Variants in CSMD1 observed in about 807,000 individuals in gnomAD.
CSMD1 encodes CUB and sushi domain-containing protein 1.
In CSMD1, 213 loss-of-function variants were observed where a neutral mutation model predicts 417.5. The observed-to-expected ratio is 0.51, with a 90% CI of 0.46 to 0.57. CSMD1 has a LOEUF of 0.57. Among genes scored for constraint, CSMD1 ranks in the 20% least tolerant of loss-of-function variants. The pLI is 0.00. For synonymous variants in CSMD1, 2,862 were observed against 1,736.8 expected (o/e 1.65, Z -16.11); for missense variants, 6,923 against 4,529.7 (o/e 1.53, Z -15.17).
At chr8:4,084,036 A>T (rs1351349153) in intron 3 of CSMD1, among the ~76,000 whole-genome samples, 1 of 152,076 alleles carries the variant, frequency 6.6e-6, no homozygotes, top group African/African-American at 2.4e-5. Flanking sequence ...GGGCAAAAAA[A>T]CCCTTTTAAA....
In CSMD1 at chr8:3,353,511, T is replaced by C. The variant is rs144683806; in HGVS notation, c.3305-5350A>G. Among the ~76,000 whole-genome samples, 210 of 152,280 alleles carry C rather than the reference T, an allele frequency of 1.4e-3. 1 individual carries two copies. Among genetic ancestry groups the C allele is most frequent in the African/African-American group, 4.5e-3 (189 of 41,550 alleles). Reference sequence around the variant, plus strand: ...ACAACATGATATTCAAATGAAAGAATGGATGTGTCAAAGAAACTGCGAGAG... The same window carrying C: ...ACAACATGATATTCAAATGAAAGAACGGATGTGTCAAAGAAACTGCGAGAG... On this transcript the variant is annotated intron_variant, in intron 21 of 69. Transcript: ENST00000635120.
rs1278875244 is a variant in CSMD1 at position 4,795,747 on chromosome 8, C to G, written c.86-158189G>C. 2.6e-5 allele frequency among the ~76,000 whole-genome samples: 4 copies of G among 152,238 alleles called. No individual in the cohort carries two copies. The South Asian group carries it at 8.3e-4, about 32-fold the overall frequency. ...CTGACAGGTCCTCCAGGGCTCTTGT[C>G]AGTTACCTCCGTACCTGTGCACGCC... On this transcript the variant is annotated intron_variant, in intron 1 of 69. Transcript: ENST00000635120.
At chr8:3,915,303 G>C (rs569687459) in intron 5 of CSMD1, among the ~76,000 whole-genome samples, 28 of 149,756 alleles carry the variant, frequency 1.9e-4, no homozygotes, top group African/African-American at 6.9e-4. Flanking sequence ...CTATTCAGGA[G>C]TCTAAGGCAG....
intron 3 of CSMD1, among the ~76,000 whole-genome samples, chr8:4,114,298 T>C (rs889431009): frequency 5.9e-5 from 9 of 152,142 alleles, no homozygotes; most frequent in African/African-American, 2.2e-4. Context: ...GCTGTCTAAG[T>C]GGAAAAATAA....
At chr8:3,560,100 C>T (rs1799405847) in intron 10 of CSMD1, among the ~76,000 whole-genome samples, 1 of 152,068 alleles carries the variant, frequency 6.6e-6, no homozygotes, top group South Asian at 2.1e-4. Context: ...CCCAGAGATT[C>T]CAGGACCCAT....
At chr8:4,783,682 T>G (rs1797267345) in intron 1 of CSMD1, among the ~76,000 whole-genome samples, 1 of 152,172 alleles carries the variant, frequency 6.6e-6, no homozygotes, top group South Asian at 2.1e-4. Flanking sequence ...GCCCGAAGCC[T>G]GTACTCAGAA....
chr8:4,140,933 A>G (rs866632670), intron 3 of CSMD1, among the ~76,000 whole-genome samples: 1 of 151,228 alleles, frequency 6.6e-6, no homozygotes, highest in African/African-American at 2.5e-5. Context: ...AAAAACTTCA[A>G]CACCAACAAC....
intron 2 of CSMD1, among the ~76,000 whole-genome samples, chr8:4,604,472 T>G (rs564074652): frequency 6.6e-6 from 1 of 151,926 alleles, no homozygotes; most frequent in South Asian, 2.1e-4. Context: ...CATGAATTTG[T>G]CCCGCTTCAT....
At position 4,325,014 on chromosome 8, in the gene CSMD1, T is replaced by C. The variant is rs962806903; in HGVS notation, c.415+94939A>G. Among the ~76,000 whole-genome samples the C allele has an allele frequency of 3.3e-5, 5 of 152,098 alleles. No individual in the cohort carries two copies. The East Asian group carries it at 9.7e-4, about 29-fold the overall frequency. ...TTGCATTCCTGGTGTGGTCACTCATTGAGTGAGTGCTGCACTGTGGCTCCT... is the reference window on the plus strand; with the variant it reads ...TTGCATTCCTGGTGTGGTCACTCATCGAGTGAGTGCTGCACTGTGGCTCCT... On this transcript the variant is annotated intron_variant, in intron 3 of 69. Transcript: ENST00000635120.
At chr8:4,681,295 G>C (rs1014864164) in intron 1 of CSMD1, among the ~76,000 whole-genome samples, 1 of 152,032 alleles carries the variant, frequency 6.6e-6, no homozygotes, top group Non-Finnish European at 1.5e-5. Flanking sequence ...ACTTTGTATC[G>C]TTACATTTGA....
intron 5 of CSMD1, among the ~76,000 whole-genome samples, chr8:3,901,218 T>C (rs920753007): frequency 3.3e-5 from 5 of 152,198 alleles, no homozygotes; most frequent in African/African-American, 4.8e-5. Context: ...CAATAGTATT[T>C]TTATTTCAAA....
At chr8:3,174,783 G>T (rs1334385086) in intron 37 of CSMD1, among the ~76,000 whole-genome samples, 1 of 151,926 alleles carries the variant, frequency 6.6e-6, no homozygotes, top group African/African-American at 2.4e-5. Flanking sequence ...TGGTTGGGCT[G>T]CCTTTAAAAT....
intron 10 of CSMD1, among the ~76,000 whole-genome samples, chr8:3,536,605 T>G (rs1293362368): frequency 1.3e-5 from 2 of 152,164 alleles, no homozygotes; most frequent in Non-Finnish European, 2.9e-5. Context: ...ATGAATAGTG[T>G]GAACAGAAAC....
rs1800150802 is a variant in CSMD1 at position 3,796,447 on chromosome 8, A to G, written c.819-42405T>C. On this transcript the variant is annotated intron_variant, in intron 5 of 69. Transcript: ENST00000635120. ...GTATAGATATATATATCTATCGTGTATAGATATAGATATCTATCATGTATA... is the reference window on the plus strand; with the variant it reads ...GTATAGATATATATATCTATCGTGTGTAGATATAGATATCTATCATGTATA... Among the ~76,000 whole-genome samples, 2 of 136,974 alleles carry G rather than the reference A, an allele frequency of 1.5e-5. 1 individual carries two copies. The highest frequency in any genetic ancestry group is 3.1e-5 in the Non-Finnish European group (2 of 64,340). The allele number at this position is 136,974 out of a possible 152,430, so 89.9% of individuals were successfully genotyped here.
intron 44 of CSMD1, 41 bp downstream of exon 44, chr8:3,108,561 TG>T: frequency 6.2e-7 from 1 of 1,603,888 alleles, no homozygotes; most frequent in Non-Finnish European, 8.5e-7. Flanking sequence ...AAACACCACA[TG>T]GAATTCTCAG....
At chr8:3,639,861 A>C (rs1403401232) in intron 7 of CSMD1, among the ~76,000 whole-genome samples, 1 of 152,220 alleles carries the variant, frequency 6.6e-6, no homozygotes, top group Non-Finnish European at 1.5e-5. Flanking sequence ...TATCAGCTGG[A>C]AAAATATGTG....
chr8:3,851,425 A>G (rs1803897413), intron 5 of CSMD1, among the ~76,000 whole-genome samples: 1 of 152,176 alleles, frequency 6.6e-6, no homozygotes, highest in African/African-American at 2.4e-5. Flanking sequence ...CCAATTTCTC[A>G]GTGCTGAGTA....
chr8:3,810,695 G>A (rs368657931), intron 5 of CSMD1, among the ~76,000 whole-genome samples: 1 of 152,130 alleles, frequency 6.6e-6, no homozygotes, highest in Non-Finnish European at 1.5e-5. Context: ...GAAGGAAATG[G>A]TTTATCTCTT....
rs115206806 is a variant in CSMD1 at position 4,694,739 on chromosome 8, C to G, written c.86-57181G>C. 2.6e-3 allele frequency among the ~76,000 whole-genome samples: 392 copies of G among 152,208 alleles called. 2 individuals are homozygous for G. The highest frequency in any genetic ancestry group is 9.0e-3 in the African/African-American group (376 of 41,552). ...GTAACGTCAAGCTGTGCCCAACCAC[C>G]TTGGGCACATGTCATCAGGACTTCC... On this transcript the variant is annotated intron_variant, in intron 1 of 69. Coordinates refer to ENST00000635120, the MANE Select transcript of CSMD1 (RefSeq NM_033225.6).
Sources: gnomAD v4.1 joint callset for allele counts (sites outside exome capture counted in the v4.1 genomes callset) on GRCh38, gnomAD v4.1.1 for gene constraint, MANE v1.5 for transcripts, NCBI Gene and HGNC (gene_info 2026-07-23, HGNC 2026-07-21) for gene names.